F8: variants seen among roughly 807,000 people sequenced by gnomAD.
F8 encodes coagulation factor VIII.
F8 carries 12 observed loss-of-function variants against 140.6 expected under a neutral mutation model. The ratio of observed to expected loss-of-function variants is 0.09; its 90% CI spans 0.05 to 0.14. F8 has a LOEUF of 0.14. Ranked by LOEUF, F8 falls within the 10% of genes least tolerant of loss-of-function variation. The pLI is 1.00. For synonymous variants in F8, 585 were observed against 614.6 expected, an observed-to-expected ratio of 0.95 and a Z score of 0.71; for missense variants, 1,354 against 1,720.7, an observed-to-expected ratio of 0.79 and a Z score of 3.77.
intron 22 of F8, 150 bp from the exon 23 acceptor site, chrX:154,863,377 C>T (rs1429973168): frequency 7.3e-5 from 38 of 522,393 alleles, no homozygotes; most frequent in African/African-American, 7.2e-4. Flanking sequence ...ATGGATGTTA[C>T]GATGGTAGAC....
At chrX:154,839,099 T>C (rs2072497950) in intron 25 of F8, among the ~76,000 whole-genome samples, 1 of 110,155 alleles carries the variant, frequency 9.1e-6, no homozygotes, top group South Asian at 3.9e-4. Context: ...GATCTTTCAG[T>C]TTCTCAACAA....
rs1557283821 is a variant in F8 at position 154,982,464 on chromosome X, A to AT, written c.787+2222_787+2223insA. On this transcript the variant is annotated intron_variant, in intron 6 of 25. Coordinates refer to ENST00000360256, the MANE Select transcript of F8 (RefSeq NM_000132.4). The stretch of plus-strand genomic sequence containing the variant: ...CCGTCTCAAAAAAAAAAAAAAAAAA[A>AT]ATATATATATATATGTATACACACT... Among the ~76,000 whole-genome samples the AT allele has an allele frequency of 9.7e-3, 805 of 83,175 alleles. 18 individuals are homozygous for AT. The East Asian group carries it at 0.11, about 11-fold the overall frequency. The allele number at this position is 83,175 out of a possible 115,157, so 72.2% of individuals were successfully genotyped here. A position where few individuals can be genotyped will look rare whatever the true frequency, so the allele number is the denominator to read the frequency against.
intron 4 of F8, among the ~76,000 whole-genome samples, chrX:154,992,409 T>A (rs28370237): frequency 1.6e-4 from 18 of 112,737 alleles, no homozygotes; most frequent in Non-Finnish European, 3.4e-4. Flanking sequence ...TAAAAACAGG[T>A]TTGATTAGAA....
chrX:154,922,993 C>T (rs782081132), intron 14 of F8, among the ~76,000 whole-genome samples: 18 of 111,284 alleles, frequency 1.6e-4, no homozygotes, highest in South Asian at 3.8e-4. Context: ...AGGTTGGAAA[C>T]AGGAAGGCTT....
intron 5 of F8, among the ~76,000 whole-genome samples, chrX:154,986,338 T>G (rs2073558244): frequency 8.9e-6 from 1 of 111,990 alleles, no homozygotes; most frequent in South Asian, 3.8e-4. Context: ...TCACCCAGGC[T>G]GGAGTGCAGT....
At chrX:154,856,614 G>C (rs1252586739) in intron 25 of F8, among the ~76,000 whole-genome samples, 1 of 111,793 alleles carries the variant, frequency 8.9e-6, no homozygotes, top group African/African-American at 3.3e-5. Flanking sequence ...AATAAAAACA[G>C]AGTCACGGCC....
rs1557281579 is a variant in F8 at position 154,961,215 on chromosome X, A to T, written c.1444-47T>A. 3 of 875,494 alleles carry T rather than the reference A, an allele frequency of 3.4e-6. No homozygotes were observed. The South Asian group carries it at 6.1e-5, about 18-fold the overall frequency. 72.2% of individuals were successfully genotyped at this position (875,494 alleles called of 1,213,427 possible). Reference sequence around the variant, plus strand: ...AAGATCAAATCCTAAAACGACTAGGATCAACAAGAAAACTGTGGTCTAACT... The same window carrying T: ...AAGATCAAATCCTAAAACGACTAGGTTCAACAAGAAAACTGTGGTCTAACT... On this transcript the variant is annotated intron_variant, in intron 9 of 25. Transcript: ENST00000360256.
chrX:155,022,285 G>T, intron 1 of F8, 125 bp downstream of exon 1: 1 of 718,749 alleles, frequency 1.4e-6, no homozygotes, highest in Non-Finnish European at 2.2e-6. Flanking sequence ...ACCTTACCCA[G>T]AAATGTTTCT....
At chrX:154,941,413 CAAAG>C (rs782615429) in intron 13 of F8, among the ~76,000 whole-genome samples, 3 of 111,119 alleles carry the variant, frequency 2.7e-5, no homozygotes, top group Non-Finnish European at 5.7e-5. Context: ...TCAAAAGAGA[CAAAG>C]AAGGCCATTA....
At chrX:154,924,438 A>G (rs1300323254) in intron 14 of F8, among the ~76,000 whole-genome samples, 1 of 112,321 alleles carries the variant, frequency 8.9e-6, no homozygotes, top group Admixed American at 9.4e-5. Flanking sequence ...TGGGAACTGG[A>G]GCAAAGGTAA....
intron 4 of F8, among the ~76,000 whole-genome samples, chrX:154,988,353 T>C (rs1159430559): frequency 1.8e-5 from 2 of 112,149 alleles, no homozygotes; most frequent in Non-Finnish European, 3.8e-5. Flanking sequence ...TTCATGTCTA[T>C]GTTAACTTTT....
chrX:154,875,749 G>A (rs1603432031), intron 22 of F8, among the ~76,000 whole-genome samples: 1 of 107,949 alleles, frequency 9.3e-6, no homozygotes, highest in Non-Finnish European at 1.9e-5. Flanking sequence ...GTGTGTGTGT[G>A]TGTGTGTGTG....
intron 22 of F8, among the ~76,000 whole-genome samples, chrX:154,866,615 A>T (rs1342181136): frequency 8.9e-6 from 1 of 112,290 alleles, no homozygotes; most frequent in Admixed American, 9.5e-5. Context: ...GAAACTAAAC[A>T]ACACATTCTT....
At chrX:154,962,843 T>A (rs782325992) in intron 9 of F8, among the ~76,000 whole-genome samples, 14 of 108,895 alleles carry the variant, frequency 1.3e-4, no homozygotes, top group Admixed American at 2.9e-4. Context: ...CACTCCAGCC[T>A]GGGTGACAGA....
intron 25 of F8, among the ~76,000 whole-genome samples, chrX:154,857,162 T>C (rs2072656943): frequency 8.9e-6 from 1 of 111,954 alleles, no homozygotes; most frequent in South Asian, 3.7e-4. Flanking sequence ...CTTGGCCTAC[T>C]ACTGGGCCTT....
chrX:154,917,105 G>T (rs2073101897), intron 14 of F8, among the ~76,000 whole-genome samples: 1 of 111,621 alleles, frequency 9.0e-6, no homozygotes, highest in Non-Finnish European at 1.9e-5. Flanking sequence ...TCTTGTCATT[G>T]ATTTCTAGTT....
chrX:154,893,051 C>T (rs972795716), intron 22 of F8, among the ~76,000 whole-genome samples: 7 of 111,962 alleles, frequency 6.3e-5, no homozygotes, highest in Admixed American at 9.5e-5. Context: ...ATCTTAACCC[C>T]GATGTTCCTC....
intron 14 of F8, among the ~76,000 whole-genome samples, chrX:154,915,264 C>T (rs1431451614): frequency 8.9e-6 from 1 of 111,939 alleles, no homozygotes; most frequent in African/African-American, 3.3e-5. Context: ...ATGGGAACTA[C>T]AATTCAAGAT....
intron 13 of F8, among the ~76,000 whole-genome samples, chrX:154,940,391 G>A (rs782538377): frequency 1.8e-5 from 2 of 112,057 alleles, no homozygotes; most frequent in East Asian, 5.6e-4. Flanking sequence ...TAACCAATGC[G>A]ATCAACTGGA....
Sources: gnomAD v4.1 joint callset for allele counts (sites outside exome capture counted in the v4.1 genomes callset) on GRCh38, gnomAD v4.1.1 for gene constraint, MANE v1.5 for transcripts, NCBI Gene and HGNC (gene_info 2026-07-23, HGNC 2026-07-21) for gene names.